The following UVRAG variants were observed in gnomAD, a reference collection of about 807,000 sequenced individuals.
UVRAG encodes the protein UV radiation resistance associated.
In UVRAG, 19 loss-of-function variants were observed where a neutral mutation model predicts 78.0. The observed-to-expected ratio is 0.24, with a 90% confidence interval of 0.17 to 0.36. The LOEUF (loss-of-function observed/expected upper bound fraction) is 0.36, where lower values mean the gene tolerates loss of function less well. UVRAG is among the 10% of genes least tolerant of loss of function. The pLI is 1.00. For synonymous variants in UVRAG, 323 were observed against 324.6 expected, an observed-to-expected ratio of 1.00 and a Z score of 0.05; for missense variants, 740 against 853.8, an observed-to-expected ratio of 0.87 and a Z score of 1.66.
chr11:75,987,833 G>T (rs370116614), intron 8 of UVRAG, among the ~76,000 whole-genome samples: 1 of 151,858 alleles, frequency 6.6e-6, no homozygotes, highest in Non-Finnish European at 1.5e-5. Flanking sequence ...TGCCTGCTAG[G>T]TTCAAGCGAT....
chr11:75,921,127 T>C (rs1187583444), intron 6 of UVRAG, among the ~76,000 whole-genome samples: 1 of 152,224 alleles, frequency 6.6e-6, no homozygotes, highest in Non-Finnish European at 1.5e-5. Flanking sequence ...TCAAAGGGTA[T>C]GTATTGTTTC....
intron 6 of UVRAG, among the ~76,000 whole-genome samples, chr11:75,947,666 C>A (rs1425961497): frequency 6.6e-6 from 1 of 152,076 alleles, no homozygotes; most frequent in Non-Finnish European, 1.5e-5. Flanking sequence ...GAGATGATGA[C>A]AAGATTAGCT....
chr11:75,922,359 A>G (rs1947996740), intron 6 of UVRAG, among the ~76,000 whole-genome samples: 1 of 150,870 alleles, frequency 6.6e-6, no homozygotes, highest in African/African-American at 2.5e-5. Context: ...TATTATAAGG[A>G]AAAGCTATAC....
At chr11:75,918,365 G>C in intron 6 of UVRAG, among the ~76,000 whole-genome samples, 1 of 149,538 alleles carries the variant, frequency 6.7e-6, no homozygotes, top group South Asian at 2.1e-4. Flanking sequence ...GCAACAGAGC[G>C]AGACTCCGTC....
rs142333418 is a variant in UVRAG, at chr11:75,892,917, C to T, written c.507+4014C>T. Among the ~76,000 whole-genome samples the T allele has an allele frequency of 8.5e-5, 13 of 152,232 alleles. No homozygotes were observed. In the East Asian group the frequency reaches 1.9e-3, roughly 23 times the overall value. ...ATTCCTGGCCGGGTGCTGTGACTCACGCCTGTAATCTCAGCACTTTGGGAG... is the reference window on the plus strand; with the variant it reads ...ATTCCTGGCCGGGTGCTGTGACTCATGCCTGTAATCTCAGCACTTTGGGAG... On this transcript the variant is annotated intron_variant, in intron 5 of 14. Coordinates refer to ENST00000356136, the MANE Select transcript of UVRAG (RefSeq NM_003369.4).
intron 14 of UVRAG, among the ~76,000 whole-genome samples, chr11:76,130,261 C>A (rs1462880557): frequency 6.6e-6 from 1 of 152,162 alleles, no homozygotes; most frequent in East Asian, 1.9e-4. Flanking sequence ...CGTGTCCTCT[C>A]CTGCATAGCT....
At chr11:76,112,791 A>T (rs112078807) in intron 13 of UVRAG, among the ~76,000 whole-genome samples, 1 of 151,524 alleles carries the variant, frequency 6.6e-6, no homozygotes, top group Non-Finnish European at 1.5e-5. Flanking sequence ...CAGTGGCACA[A>T]TCTCAGCTCA....
At chr11:76,062,338 C>A (rs532722925) in intron 12 of UVRAG, among the ~76,000 whole-genome samples, 1 of 152,168 alleles carries the variant, frequency 6.6e-6, no homozygotes, top group South Asian at 2.1e-4. Flanking sequence ...GTGTAACCCG[C>A]TACATCCACT....
intron 11 of UVRAG, 143 bp from the exon 12 acceptor site, chr11:76,016,672 T>G (rs935807270): frequency 1.3e-6 from 1 of 742,286 alleles, no homozygotes; most frequent in Admixed American, 3.7e-5. Flanking sequence ...TACATTTGCA[T>G]AAAATTTATA....
At chr11:76,067,566 G>A (rs1000401117) in intron 13 of UVRAG, among the ~76,000 whole-genome samples, 1 of 151,998 alleles carries the variant, frequency 6.6e-6, no homozygotes, top group African/African-American at 2.4e-5. Context: ...AGACCAGCCT[G>A]GGCAACATGG....
At chr11:76,053,767 C>A (rs574009855) in intron 12 of UVRAG, among the ~76,000 whole-genome samples, 46 of 152,012 alleles carry the variant, frequency 3.0e-4, no homozygotes, top group South Asian at 1.0e-3. Context: ...GTCAGGAGAT[C>A]GAGACCAGCC....
At chr11:75,936,942 G>T (rs1245850895) in intron 6 of UVRAG, among the ~76,000 whole-genome samples, 1 of 152,172 alleles carries the variant, frequency 6.6e-6, no homozygotes, top group East Asian at 1.9e-4. Context: ...ATTTTTTAGA[G>T]ATGGGGTCTT....
At chr11:76,123,954 CAG>C (rs1952337207) in intron 14 of UVRAG, among the ~76,000 whole-genome samples, 1 of 151,628 alleles carries the variant, frequency 6.6e-6, no homozygotes, top group Non-Finnish European at 1.5e-5. Flanking sequence ...TTAGTAGAGA[CAG>C]GGTTTCACCA....
At chr11:75,818,890 G>A (rs1361162017) in intron 1 of UVRAG, among the ~76,000 whole-genome samples, 1 of 152,184 alleles carries the variant, frequency 6.6e-6, no homozygotes. Flanking sequence ...GATGGGGTTT[G>A]TCAACCTTGG....
At chr11:75,878,414 C>A in intron 3 of UVRAG, 1 of 152,442 alleles carries the variant, frequency 6.6e-6, no homozygotes, top group South Asian at 1.5e-4. Context: ...ACATCCCAGA[C>A]GATGGGCGGC....
chr11:75,961,378 T>C, intron 6 of UVRAG, 66 bp from the exon 7 acceptor site: 1 of 1,286,400 alleles, frequency 7.8e-7, no homozygotes, highest in Non-Finnish European at 1.1e-6. Flanking sequence ...TTGTCATTTA[T>C]ATCTGAGGCT....
At chr11:75,856,318 C>T (rs1445444063) in intron 2 of UVRAG, among the ~76,000 whole-genome samples, 2 of 152,124 alleles carry the variant, frequency 1.3e-5, no homozygotes, top group African/African-American at 2.4e-5. Flanking sequence ...GTTTGTTTTT[C>T]ATAGTTATTT....
At chr11:75,851,855 C>T in intron 1 of UVRAG, 28 bp from the exon 2 acceptor site, 4 of 1,561,558 alleles carry the variant, frequency 2.6e-6, no homozygotes, top group South Asian at 1.2e-5. Flanking sequence ...AATCTGAATG[C>T]CTTCTCTTTT....
At chr11:75,924,635 G>A (rs1040304087) in intron 6 of UVRAG, among the ~76,000 whole-genome samples, 1 of 151,912 alleles carries the variant, frequency 6.6e-6, no homozygotes, top group South Asian at 2.1e-4. Flanking sequence ...TGATCCACCC[G>A]CCTCGGCCTC....
Sources: allele counts gnomAD v4.1 joint callset (sites outside exome capture counted in the v4.1 genomes callset), GRCh38; gene constraint gnomAD v4.1.1; transcripts MANE v1.5; gene names NCBI Gene and HGNC (gene_info 2026-07-23, HGNC 2026-07-21).